The following KCNIP4 variants were observed in gnomAD, a reference collection of about 807,000 sequenced individuals.
KCNIP4 encodes the protein potassium voltage-gated channel interacting protein 4.
In KCNIP4, 12 loss-of-function variants were observed where a neutral mutation model predicts 34.0. The observed-to-expected ratio is 0.35, with a 90% confidence interval of 0.23 to 0.57. KCNIP4 has a LOEUF of 0.57. Among genes scored for constraint, KCNIP4 ranks in the 20% least tolerant of loss-of-function variants. The pLI is 0.83. For missense variants in KCNIP4, 238 were observed against 311.7 expected, an observed-to-expected ratio of 0.76 and a Z score of 1.78; for synonymous variants, 124 against 102.2, an observed-to-expected ratio of 1.21 and a Z score of -1.29.
chr4:20,902,933 A>G (rs1375035146), intron 1 of KCNIP4, among the ~76,000 whole-genome samples: 15 of 152,246 alleles, frequency 9.9e-5, no homozygotes. Context: ...AACAAGAAAC[A>G]TGGAAAATGC....
At chr4:20,762,036 C>T (rs1755003355) in intron 3 of KCNIP4, among the ~76,000 whole-genome samples, 1 of 152,152 alleles carries the variant, frequency 6.6e-6, no homozygotes. Flanking sequence ...TGTCTTTGTT[C>T]AGGCTCCTTT....
At chr4:21,421,173 G>C (rs190637580) in intron 1 of KCNIP4, among the ~76,000 whole-genome samples, 2 of 152,252 alleles carry the variant, frequency 1.3e-5, no homozygotes, top group Admixed American at 1.3e-4. Context: ...GGGAACACTT[G>C]CACACTGTTG....
At chr4:21,107,930 C>G (rs1383151313) in intron 1 of KCNIP4, among the ~76,000 whole-genome samples, 1 of 151,436 alleles carries the variant, frequency 6.6e-6, no homozygotes, top group Non-Finnish European at 1.5e-5. Context: ...TATTGCCCCC[C>G]ACTCTCTTCT....
chr4:20,797,802 T>G lies in KCNIP4; in HGVS notation c.289-38912A>C, dbSNP rs189252575. Among the ~76,000 whole-genome samples, 118 of 152,304 alleles carry G rather than the reference T, an allele frequency of 7.7e-4. No individual in the cohort carries two copies. The East Asian group carries it at 0.014, about 18-fold the overall frequency. ...ACTCAGTAATATAGCCACAGTCAAC[T>G]GAAATTTGCCAGGAAGAATGATCTT... On this transcript the variant is annotated intron_variant, in intron 3 of 8. Coordinates refer to ENST00000382152, the MANE Select transcript of KCNIP4 (RefSeq NM_025221.6).
At chr4:21,291,867 AAAAGAAAG>A (rs1211617062) in intron 1 of KCNIP4, among the ~76,000 whole-genome samples, 7,111 of 50,350 alleles carry the variant, frequency 0.14, 669 homozygotes, top group Non-Finnish European at 0.16. Flanking sequence ...AAAAAAAAAA[AAAAGAAAG>A]AAAGAAAGAA....
chr4:20,832,876 C>G (rs1015701325), intron 3 of KCNIP4, among the ~76,000 whole-genome samples: 3 of 152,150 alleles, frequency 2.0e-5, no homozygotes, highest in East Asian at 1.9e-4. Context: ...GTAACATTAT[C>G]TGCTCTAGTG....
intron 1 of KCNIP4, among the ~76,000 whole-genome samples, chr4:21,713,532 A>T (rs577348112): frequency 1.3e-5 from 2 of 152,364 alleles, no homozygotes; most frequent in South Asian, 4.1e-4. Context: ...ACCTGCATAG[A>T]AAGTGTAATG....
chr4:21,683,644 A>T (rs1750573953), intron 1 of KCNIP4, among the ~76,000 whole-genome samples: 1 of 151,126 alleles, frequency 6.6e-6, no homozygotes, highest in South Asian at 2.1e-4. Context: ...AATTTTTTGT[A>T]TCTTTTAGTA....
intron 2 of KCNIP4, among the ~76,000 whole-genome samples, chr4:20,853,202 A>T (rs1170562569): frequency 6.6e-6 from 1 of 152,210 alleles, no homozygotes; most frequent in East Asian, 1.9e-4. Context: ...AAGCAAAAAG[A>T]ACAAATCTGG....
At chr4:20,811,130 C>T (rs1041080000) in intron 3 of KCNIP4, among the ~76,000 whole-genome samples, 6 of 152,176 alleles carry the variant, frequency 3.9e-5, no homozygotes, top group African/African-American at 1.4e-4. Flanking sequence ...ATAAGCCTAA[C>T]TGGTCTAGTG....
chr4:21,430,990 A>G (rs1726393151), intron 1 of KCNIP4, among the ~76,000 whole-genome samples: 1 of 152,154 alleles, frequency 6.6e-6, no homozygotes, highest in Non-Finnish European at 1.5e-5. Flanking sequence ...CATCAAAGCA[A>G]TGTAAAAAAT....
At chr4:21,043,894 A>G (rs1238010500) in intron 1 of KCNIP4, among the ~76,000 whole-genome samples, 1 of 152,184 alleles carries the variant, frequency 6.6e-6, no homozygotes, top group African/African-American at 2.4e-5. Flanking sequence ...CACTGAAGCT[A>G]CTGTATGTCA....
chr4:20,880,790 A>C (rs1414558221), intron 2 of KCNIP4, among the ~76,000 whole-genome samples: 2 of 152,210 alleles, frequency 1.3e-5, no homozygotes, highest in African/African-American at 4.8e-5. Flanking sequence ...TAGTGGCAAT[A>C]AAAGTGCCTG....
intron 1 of KCNIP4, among the ~76,000 whole-genome samples, chr4:20,905,439 T>A (rs759823681): frequency 6.6e-6 from 1 of 151,814 alleles, no homozygotes. Flanking sequence ...AGAGTTCCCA[T>A]GCATGAATTT....
intron 1 of KCNIP4, among the ~76,000 whole-genome samples, chr4:21,511,758 G>A (rs1172622261): frequency 6.6e-6 from 1 of 152,140 alleles, no homozygotes; most frequent in Non-Finnish European, 1.5e-5. Flanking sequence ...GGCTTTCAAA[G>A]CTGCCCCTTA....
chr4:21,085,266 C>T (rs1422782378), intron 1 of KCNIP4, among the ~76,000 whole-genome samples: 1 of 152,112 alleles, frequency 6.6e-6, no homozygotes, highest in Non-Finnish European at 1.5e-5. Context: ...ATACATGCAG[C>T]TATCGGCAAA....
chr4:21,184,579 T>C (rs1157193412), intron 1 of KCNIP4, among the ~76,000 whole-genome samples: 1 of 152,168 alleles, frequency 6.6e-6, no homozygotes, highest in East Asian at 1.9e-4. Flanking sequence ...CTGGTATTAA[T>C]GAGGCCAAGG....
At chr4:21,196,661 A>G (rs1756077011) in intron 1 of KCNIP4, among the ~76,000 whole-genome samples, 1 of 152,254 alleles carries the variant, frequency 6.6e-6, no homozygotes, top group Non-Finnish European at 1.5e-5. Flanking sequence ...CAATATTTGA[A>G]TAAGGAAATT....
intron 1 of KCNIP4, among the ~76,000 whole-genome samples, chr4:21,920,201 G>C (rs1488243971): frequency 2.0e-5 from 3 of 152,104 alleles, no homozygotes; most frequent in African/African-American, 7.2e-5. Flanking sequence ...TACCAAAATA[G>C]ACAAAACACT....
Sources: gnomAD v4.1 joint callset for allele counts (sites outside exome capture counted in the v4.1 genomes callset) on GRCh38, gnomAD v4.1.1 for gene constraint, MANE v1.5 for transcripts, NCBI Gene and HGNC (gene_info 2026-07-23, HGNC 2026-07-21) for gene names.